Variants in DMD observed in about 807,000 individuals in gnomAD.
DMD encodes dystrophin.
A neutral mutation model predicts 330.1 loss-of-function variants in DMD; 63 were observed. That is an observed-to-expected ratio of 0.19 (90% CI 0.16 to 0.24). The LOEUF (loss-of-function observed/expected upper bound fraction) is 0.24, where lower values mean the gene tolerates loss of function less well. DMD is among the 10% of genes least tolerant of loss of function. The pLI is 1.00. For missense variants in DMD, 3,344 were observed against 2,684.1 expected, an observed-to-expected ratio of 1.25 and a Z score of -5.43; for synonymous variants, 1,223 against 959.8, an observed-to-expected ratio of 1.27 and a Z score of -5.07.
chrX:31,365,293 C>T (rs2059173593), intron 60 of DMD, among the ~76,000 whole-genome samples: 1 of 110,840 alleles, frequency 9.0e-6, no homozygotes, highest in Admixed American at 9.6e-5. Flanking sequence ...ACCAACCTCT[C>T]AGGGTCAATA....
At chrX:31,275,739 G>A (rs1454072054) in intron 62 of DMD, among the ~76,000 whole-genome samples, 1 of 111,426 alleles carries the variant, frequency 9.0e-6, no homozygotes, top group Non-Finnish European at 1.9e-5. Context: ...TAAGAAAGGA[G>A]CACTGGGAAT....
chrX:32,976,091 C>T (rs2092540966), intron 2 of DMD, among the ~76,000 whole-genome samples: 1 of 111,061 alleles, frequency 9.0e-6, no homozygotes, highest in Admixed American at 9.6e-5. Context: ...TGTGGTGGCG[C>T]AAGCCTGTAA....
rs770398057 is a variant in DMD at position 33,010,033 on chromosome X, T to C, written c.93+10106A>G. Among the ~76,000 whole-genome samples the C allele has an allele frequency of 8.6e-4, 50 of 58,474 alleles. 7 individuals carry two copies. The highest frequency in any genetic ancestry group is 1.1e-3 in the Non-Finnish European group (30 of 28,019). The allele number at this position is 58,474 out of a possible 115,157, so 50.8% of individuals were successfully genotyped here. A position where few individuals can be genotyped will look rare whatever the true frequency, so the allele number is the denominator to read the frequency against. On this transcript the variant is annotated intron_variant, in intron 2 of 78. Coordinates refer to ENST00000357033, the MANE Select transcript of DMD (RefSeq NM_004006.3). ...GTATATACACATATGTGTGTACATG[T>C]GTATATACACATGTGTATATATACG...
chrX:32,427,489 T>C (rs868505060), intron 29 of DMD, among the ~76,000 whole-genome samples: 23 of 111,197 alleles, frequency 2.1e-4, no homozygotes, highest in Middle Eastern at 4.6e-3. Context: ...GGGAGAACAT[T>C]AAGCTTAAAC....
intron 50 of DMD, among the ~76,000 whole-genome samples, chrX:31,815,449 C>A (rs866570448): frequency 4.3e-4 from 42 of 97,632 alleles, no homozygotes; most frequent in East Asian, 6.3e-4. Context: ...GACTCAGTCT[C>A]AAAAAAAAAG....
At chrX:32,560,185 TG>T (rs1227684862) in intron 16 of DMD, among the ~76,000 whole-genome samples, 1 of 88,965 alleles carries the variant, frequency 1.1e-5, no homozygotes, top group Admixed American at 1.2e-4. Context: ...TAGACTCGCT[TG>T]AAAAAAAAAA....
Position 31,147,219 on chromosome X carries a change from A to C in DMD, c.10797+56T>G, listed in dbSNP as rs1284985451. ...CTATAAAAAGTGCTCTCTGAGGTTT[A>C]GTTTTGTTTAAGAGGGAAAAATGAA... On this transcript the variant is annotated intron_variant, in intron 75 of 78. Coordinates refer to ENST00000357033, the MANE Select transcript of DMD (RefSeq NM_004006.3). 2.5e-6 allele frequency: 3 copies of C among 1,204,592 alleles called. No individual in the cohort carries two copies. The African/African-American group carries it at 5.3e-5, about 21-fold the overall frequency.
rs1428894499 is a variant in DMD, at chrX:32,686,581, AAG to A, written c.960+11287_960+11288del. Among the ~76,000 whole-genome samples the A allele has an allele frequency of 9.0e-4, 94 of 104,697 alleles. 1 individual carries two copies. The highest frequency in any genetic ancestry group is 3.2e-3 in the African/African-American group (88 of 27,518). 90.9% of individuals were successfully genotyped at this position (104,697 alleles called of 115,157 possible). On this transcript the variant is annotated intron_variant, in intron 9 of 78. Coordinates refer to ENST00000357033, the MANE Select transcript of DMD (RefSeq NM_004006.3). Reference sequence around the variant, plus strand: ...TCTCAAAAAAAAAAAAAAAAAAAAAAAGAAAAGAAAAGAAAAGAAAGAAATGT... The same window carrying A: ...TCTCAAAAAAAAAAAAAAAAAAAAAAAAAAGAAAAGAAAAGAAAGAAATGT...
At chrX:31,452,631 G>T (rs1395828321) in intron 59 of DMD, among the ~76,000 whole-genome samples, 1 of 111,968 alleles carries the variant, frequency 8.9e-6, no homozygotes, top group African/African-American at 3.2e-5. Flanking sequence ...TATCGAAAAA[G>T]AATATATACC....
At chrX:32,731,774 T>A (rs1307096330) in intron 7 of DMD, among the ~76,000 whole-genome samples, 3 of 111,768 alleles carry the variant, frequency 2.7e-5, no homozygotes, top group Admixed American at 9.5e-5. Context: ...GTCACCATCA[T>A]CAAAGTCCAA....
intron 7 of DMD, among the ~76,000 whole-genome samples, chrX:32,797,898 T>A (rs1425533669): frequency 8.9e-6 from 1 of 111,884 alleles, no homozygotes; most frequent in Non-Finnish European, 1.9e-5. Flanking sequence ...TAAATGTTTC[T>A]GAACAAATTT....
At chrX:31,191,230 T>C in intron 67 of DMD, among the ~76,000 whole-genome samples, 1 of 111,916 alleles carries the variant, frequency 8.9e-6, no homozygotes, top group East Asian at 2.8e-4. Context: ...TTTTACTTAG[T>C]ACAGGTCATA....
Position 31,120,889 on chromosome X carries a change from C to CG in DMD, c.*1029_*1030insC, listed in dbSNP as rs2032338937. 1.9e-5 allele frequency: 2 copies of CG among 107,385 alleles called. No individual in the cohort carries two copies. Among genetic ancestry groups the CG allele is most frequent in the African/African-American group, 7.5e-5 (2 of 26,562 alleles). The allele number at this position is 107,385 out of a possible 1,213,427, so 8.8% of individuals were successfully genotyped here. Reference sequence around the variant, plus strand: ...TGTATCAATCAATCAATCAATCAACCAACCAACCGATTACTCACTCTGATA... The same window carrying CG: ...TGTATCAATCAATCAATCAATCAACCGAACCAACCGATTACTCACTCTGATA... On this transcript the variant is annotated 3_prime_UTR_variant, in exon 79 of 79. Transcript: ENST00000357033.
At chrX:32,472,349 G>T (rs890541889) in intron 21 of DMD, 40 bp from the exon 22 acceptor site, 8 of 1,186,393 alleles carry the variant, frequency 6.7e-6, no homozygotes, top group South Asian at 1.8e-5. Flanking sequence ...TCACTTAATT[G>T]TTTCACACTT....
At chrX:31,875,161 A>G in intron 48 of DMD, 27 bp downstream of exon 48, 2 of 1,176,663 alleles carry the variant, frequency 1.7e-6, no homozygotes, top group South Asian at 3.8e-5. Context: ...AAAAAGACAA[A>G]AATATTTAAA....
chrX:33,156,626 G>A (rs1301297947), intron 1 of DMD, among the ~76,000 whole-genome samples: 1 of 111,615 alleles, frequency 9.0e-6, no homozygotes, highest in Non-Finnish European at 1.9e-5. Flanking sequence ...GGAAAGAATG[G>A]GTGTTTCAAG....
Position 32,614,330 on chromosome X carries a change from G to C in DMD, c.1455C>G (p.Asp485Glu), listed in dbSNP as rs1236887194. The change falls in exon 12 of 79, where the codon GAC (aspartate) becomes GAG (glutamate). Residue 485 changes from aspartate to glutamate, a missense_variant. Coordinates refer to ENST00000357033, the MANE Select transcript of DMD (RefSeq NM_004006.3). ...EEEPLGPDLE[D>E]LKRQVQQHKV... is the part of the protein sequence containing the mutation. ...TATGTTGTTGTACTTGGCGTTTTAG[G>C]TCTTCAAGATCAGGTCCAAGAGGCT... 1 of 1,208,211 alleles carries C rather than the reference G, an allele frequency of 8.3e-7. No individual in the cohort carries two copies. Among genetic ancestry groups the C allele is most frequent in the South Asian group, 1.8e-5 (1 of 56,857 alleles).
chrX:33,110,486 G>C (rs2095331276), intron 1 of DMD, among the ~76,000 whole-genome samples: 1 of 111,090 alleles, frequency 9.0e-6, no homozygotes, highest in African/African-American at 3.3e-5. Flanking sequence ...CAAATTAAAA[G>C]TAGTGATTAG....
intron 60 of DMD, among the ~76,000 whole-genome samples, chrX:31,349,728 T>G (rs975789120): frequency 8.9e-6 from 1 of 112,031 alleles, no homozygotes; most frequent in African/African-American, 3.2e-5. Context: ...CAATCCAATA[T>G]AAGTGGTGGC....
Sources: gnomAD v4.1 joint callset for allele counts (sites outside exome capture counted in the v4.1 genomes callset) on GRCh38, gnomAD v4.1.1 for gene constraint, MANE v1.5 for transcripts, NCBI Gene and HGNC (gene_info 2026-07-23, HGNC 2026-07-21) for gene names.